The following SH3KBP1 variants were observed in gnomAD, a reference collection of about 807,000 sequenced individuals.
The protein encoded by SH3KBP1 is SH3 domain-containing kinase-binding protein 1.
SH3KBP1 carries 8 observed loss-of-function variants against 50.1 expected under a neutral mutation model. The ratio of observed to expected loss-of-function variants is 0.16; its 90% CI spans 0.09 to 0.29. SH3KBP1 has a LOEUF of 0.29. SH3KBP1 is among the 10% of genes least tolerant of loss of function. The probability of loss-of-function intolerance (pLI) is 1.00; values close to 1 mark genes in which losing one functional copy is unlikely to be tolerated. For synonymous variants in SH3KBP1, 227 were observed against 218.6 expected, an observed-to-expected ratio of 1.04 and a Z score of -0.34; for missense variants, 377 against 535.2, an observed-to-expected ratio of 0.70 and a Z score of 2.92.
intron 6 of SH3KBP1, among the ~76,000 whole-genome samples, chrX:19,650,096 CAGAG>C (rs1049499276): frequency 9.1e-6 from 1 of 110,274 alleles, no homozygotes; most frequent in African/African-American, 3.3e-5. Context: ...GTAGTGGGAG[CAGAG>C]AGAGAGAGAG....
chrX:19,771,859 C>T (rs1169904718), intron 2 of SH3KBP1, among the ~76,000 whole-genome samples: 16 of 45,708 alleles, frequency 3.5e-4, no homozygotes, highest in Non-Finnish European at 6.0e-4. Flanking sequence ...AGCGAAACTC[C>T]GTCTCAAAAA....
intron 7 of SH3KBP1, among the ~76,000 whole-genome samples, chrX:19,634,379 T>C (rs1289129544): frequency 9.0e-6 from 1 of 111,519 alleles, no homozygotes; most frequent in Non-Finnish European, 1.9e-5. Context: ...TATACAGTTG[T>C]GTAACCATCA....
intron 6 of SH3KBP1, among the ~76,000 whole-genome samples, chrX:19,669,639 A>G (rs1272495918): frequency 1.8e-5 from 2 of 111,755 alleles, no homozygotes; most frequent in African/African-American, 3.3e-5. Context: ...ATTTCTACTC[A>G]TCAGAACTCA....
At chrX:19,634,031 GGTGTGTGTGTGTGTGTGTGTGTGTGTGT>G (rs60109180) in intron 7 of SH3KBP1, among the ~76,000 whole-genome samples, 2 of 32,159 alleles carry the variant, frequency 6.2e-5, no homozygotes, top group East Asian at 1.0e-3. Context: ...TTTGTTCCCT[GGTGTGTGTGTGTGTGTGTGTGTGTGTGT>G]GTGTGTGTGT....
At position 19,542,105 on chromosome X, in the gene SH3KBP1, G is replaced by A. The variant is rs747279963; in HGVS notation, c.1712C>T (p.Pro571Leu). ...GGPAPLSSAA[P>L]SPLSSSLGTA... is the part of the protein sequence containing the mutation. ...TCCCAAAGAGGATGACAGGGGGGAG[G>A]GCGCCGCTGAGGACAGAGGGGCTGG... The change falls in exon 16 of 18, where the codon CCC becomes CTC. Residue 571 changes from proline to leucine, a missense_variant. This residue lies in a region of SH3KBP1 where 110 missense variants were observed against 124.1 expected (regional missense o/e 0.89). Transcript: ENST00000397821. The A allele has an allele frequency of 8.3e-7, 1 of 1,209,315 alleles. No individual in the cohort carries two copies. Among genetic ancestry groups the A allele is most frequent in the African/African-American group, 1.7e-5 (1 of 57,242 alleles).
intron 2 of SH3KBP1, among the ~76,000 whole-genome samples, chrX:19,791,909 T>G (rs1411084026): frequency 9.0e-6 from 1 of 111,605 alleles, no homozygotes; most frequent in East Asian, 2.8e-4. Context: ...AATCAATACA[T>G]TTCCGTAATT....
intron 3 of SH3KBP1, among the ~76,000 whole-genome samples, chrX:19,731,143 T>C (rs943058027): frequency 1.8e-5 from 2 of 111,504 alleles, no homozygotes; most frequent in African/African-American, 3.3e-5. Flanking sequence ...TTCACCATGT[T>C]GCCCAGGCTG....
chrX:19,729,252 G>T (rs764671484), intron 3 of SH3KBP1, among the ~76,000 whole-genome samples: 1 of 113,152 alleles, frequency 8.8e-6, no homozygotes, highest in South Asian at 3.6e-4. Flanking sequence ...CTTTGTTTCA[G>T]TACAAAGCTG....
chrX:19,751,472 T>A (rs1455158305), intron 2 of SH3KBP1, among the ~76,000 whole-genome samples: 1 of 111,747 alleles, frequency 8.9e-6, no homozygotes, highest in Non-Finnish European at 1.9e-5. Flanking sequence ...AATGCATACA[T>A]AACTGCCCAC....
At chrX:19,886,284 G>A (rs1193829465) in intron 1 of SH3KBP1, among the ~76,000 whole-genome samples, 1 of 112,214 alleles carries the variant, frequency 8.9e-6, no homozygotes, top group Non-Finnish European at 1.9e-5. Context: ...CCTATTACCT[G>A]AACACAGAAA....
chrX:19,646,389 G>A (rs781537833), intron 6 of SH3KBP1, among the ~76,000 whole-genome samples: 6 of 111,906 alleles, frequency 5.4e-5, no homozygotes, highest in East Asian at 5.6e-4. Flanking sequence ...TTCCCAAGGC[G>A]AGGTCTGTTC....
chrX:19,848,656 T>C (rs1001529090), intron 1 of SH3KBP1, among the ~76,000 whole-genome samples: 2 of 112,369 alleles, frequency 1.8e-5, no homozygotes, highest in African/African-American at 6.5e-5. Context: ...TTTCTCTGTA[T>C]AGGAATATTC....
intron 1 of SH3KBP1, among the ~76,000 whole-genome samples, chrX:19,887,078 G>C (rs964619981): frequency 9.0e-6 from 1 of 111,537 alleles, no homozygotes; most frequent in African/African-American, 3.3e-5. Flanking sequence ...CCCCGTGATC[G>C]TCTGCTCAGG....
chrX:19,734,132 G>A (rs2064463232), intron 3 of SH3KBP1, among the ~76,000 whole-genome samples: 2 of 112,320 alleles, frequency 1.8e-5, no homozygotes, highest in South Asian at 3.6e-4. Context: ...CTTTCTAGCA[G>A]AGGCTCTTTC....
intron 5 of SH3KBP1, among the ~76,000 whole-genome samples, chrX:19,685,395 T>TTTG (rs1356841039): frequency 8.9e-6 from 1 of 112,274 alleles, no homozygotes; most frequent in Admixed American, 9.4e-5. Context: ...AATGGTTTTG[T>TTTG]TTGTTGTTGT....
chrX:19,542,593 G>A (rs778435233), intron 15 of SH3KBP1, among the ~76,000 whole-genome samples: 1 of 111,304 alleles, frequency 9.0e-6, no homozygotes, highest in Admixed American at 9.6e-5. Flanking sequence ...GAGATGGGGG[G>A]ACAACTGCAC....
Position 19,535,226 on chromosome X carries a change from C to G in SH3KBP1, c.*1191G>C. Reference sequence around the variant, plus strand: ...ATCAGTTTCCTTGGGAAAGAAAAAGCAACTCCATAAATGCAAGAAAGTTCC... The same window carrying G: ...ATCAGTTTCCTTGGGAAAGAAAAAGGAACTCCATAAATGCAAGAAAGTTCC... On this transcript the variant is annotated 3_prime_UTR_variant, in exon 18 of 18. Transcript: ENST00000397821. The G allele has an allele frequency of 3.7e-6, 1 of 273,140 alleles. No homozygotes were observed. Among genetic ancestry groups the G allele is most frequent in the Non-Finnish European group, 6.5e-6 (1 of 154,777 alleles). The allele number at this position is 273,140 out of a possible 1,213,427, so 22.5% of individuals were successfully genotyped here.
intron 4 of SH3KBP1, among the ~76,000 whole-genome samples, chrX:19,701,831 T>C (rs1334444186): frequency 8.9e-6 from 1 of 112,144 alleles, no homozygotes; most frequent in Non-Finnish European, 1.9e-5. Context: ...TCTCTCAGAG[T>C]GTAAGCACTG....
chrX:19,854,250 G>A (rs909429420), intron 1 of SH3KBP1, among the ~76,000 whole-genome samples: 26 of 110,282 alleles, frequency 2.4e-4, no homozygotes, highest in Non-Finnish European at 4.7e-4. Flanking sequence ...TGAGTAGCTG[G>A]GACTACAGGC....
Sources: gnomAD v4.1 joint callset for allele counts (sites outside exome capture counted in the v4.1 genomes callset) on GRCh38, gnomAD v4.1.1 for gene constraint, gnomAD v4.1.1 regional missense constraint, MANE v1.5 for transcripts, NCBI Gene and HGNC (gene_info 2026-07-23, HGNC 2026-07-21) for gene names.